Variants in GSK3B observed in about 807,000 individuals in gnomAD.
GSK3B encodes glycogen synthase kinase 3 beta.
Under a neutral mutation model 56.4 loss-of-function variants are expected in GSK3B, and 15 were observed. The observed-to-expected ratio is 0.27, with a 90% confidence interval of 0.18 to 0.41. The LOEUF (loss-of-function observed/expected upper bound fraction) is 0.41, where lower values mean the gene tolerates loss of function less well. Ranked by LOEUF, GSK3B falls within the 10% of genes least tolerant of loss-of-function variation. The pLI is 1.00. For synonymous variants in GSK3B, 181 were observed against 188.9 expected, an observed-to-expected ratio of 0.96 and a Z score of 0.34; for missense variants, 300 against 513.4, an observed-to-expected ratio of 0.58 and a Z score of 4.02.
intron 2 of GSK3B, among the ~76,000 whole-genome samples, chr3:119,965,014 T>C (rs548055778): frequency 1.3e-5 from 2 of 150,942 alleles, no homozygotes; most frequent in African/African-American, 2.4e-5. Context: ...AATTGAATTA[T>C]AGGTTTTTGT....
chr3:120,064,731 G>A (rs2058265609), intron 1 of GSK3B, among the ~76,000 whole-genome samples: 1 of 152,088 alleles, frequency 6.6e-6, no homozygotes, highest in Admixed American at 6.6e-5. Context: ...GAAGTTGGAG[G>A]ACTTACTGAT....
At position 119,825,502 on chromosome 3, in the gene GSK3B, T is replaced by C. The variant is rs1309886008; in HGVS notation, c.*1286A>G. The C allele has an allele frequency of 4.4e-6, 1 of 227,778 alleles. No individual in the cohort carries two copies. Among genetic ancestry groups the C allele is most frequent in the Admixed American group, 5.7e-5 (1 of 17,610 alleles). 14.1% of individuals were successfully genotyped at this position (227,778 alleles called of 1,614,324 possible). On this transcript the variant is annotated 3_prime_UTR_variant, in exon 11 of 11. Coordinates refer to ENST00000264235, the MANE Select transcript of GSK3B (RefSeq NM_001146156.2). ...AAAAAAAAAGGCAGTATTGAATATA[T>C]GTATATATAACATATATACACACAT...
chr3:120,064,379 T>C (rs1243602515), intron 1 of GSK3B, among the ~76,000 whole-genome samples: 1 of 151,396 alleles, frequency 6.6e-6, no homozygotes, highest in Non-Finnish European at 1.5e-5. Flanking sequence ...CAATAAACAA[T>C]CTGAAAAGGA....
At chr3:119,946,191 A>G (rs556273348) in intron 3 of GSK3B, among the ~76,000 whole-genome samples, 24 of 152,296 alleles carry the variant, frequency 1.6e-4, no homozygotes, top group African/African-American at 5.8e-4. Context: ...CACAACAATT[A>G]TATGACTGTA....
intron 2 of GSK3B, among the ~76,000 whole-genome samples, chr3:119,993,471 C>T (rs910962469): frequency 4.6e-5 from 7 of 151,828 alleles, no homozygotes; most frequent in African/African-American, 1.7e-4. Context: ...AAGAAAAACC[C>T]AAATACTTTT....
At chr3:119,855,623 T>C (rs1325519841) in intron 9 of GSK3B, among the ~76,000 whole-genome samples, 6 of 152,298 alleles carry the variant, frequency 3.9e-5, no homozygotes, top group Non-Finnish European at 8.8e-5. Context: ...ATGTGGCACA[T>C]ATACACGATG....
At chr3:120,038,007 T>A (rs923892007) in intron 1 of GSK3B, among the ~76,000 whole-genome samples, 1 of 152,230 alleles carries the variant, frequency 6.6e-6, no homozygotes, top group Non-Finnish European at 1.5e-5. Flanking sequence ...TGCAAGATAC[T>A]GTACTAAACA....
At chr3:119,900,692 G>A (rs1371432136) in intron 7 of GSK3B, among the ~76,000 whole-genome samples, 1 of 152,016 alleles carries the variant, frequency 6.6e-6, no homozygotes, top group African/African-American at 2.4e-5. Flanking sequence ...ACACAATGCT[G>A]TATCACTTTA....
intron 1 of GSK3B, among the ~76,000 whole-genome samples, chr3:120,030,100 C>T (rs1002979587): frequency 2.0e-5 from 3 of 152,096 alleles, no homozygotes; most frequent in Non-Finnish European, 2.9e-5. Flanking sequence ...CCTCCTTGTT[C>T]CCTATTGCTA....
At chr3:119,973,506 T>C (rs2057385530) in intron 2 of GSK3B, among the ~76,000 whole-genome samples, 1 of 152,196 alleles carries the variant, frequency 6.6e-6, no homozygotes. Flanking sequence ...CCTACTGGCA[T>C]ATGGTTAGAA....
chr3:119,948,039 C>A (rs1444808565), intron 2 of GSK3B, among the ~76,000 whole-genome samples: 1 of 152,122 alleles, frequency 6.6e-6, no homozygotes, highest in African/African-American at 2.4e-5. Flanking sequence ...GACTTCGCAG[C>A]AGTAAATCTG....
intron 1 of GSK3B, among the ~76,000 whole-genome samples, chr3:120,055,090 T>C (rs1450884489): frequency 2.6e-5 from 4 of 152,196 alleles, no homozygotes; most frequent in Admixed American, 2.6e-4. Context: ...ATATCTTGCC[T>C]AGGCCCTCCC....
rs966982516 is a variant in GSK3B, at chr3:119,971,737, A to G, written c.283-24386T>C. On this transcript the variant is annotated intron_variant, in intron 2 of 10. Transcript: ENST00000264235. ...CGCCATTCTCCTGCCTCAGCCTCCC[A>G]AGTAGCTGGGACTACAGGCGCCCGC... Among the ~76,000 whole-genome samples the G allele has an allele frequency of 7.1e-5, 10 of 141,410 alleles. No individual in the cohort carries two copies. In the East Asian group the frequency reaches 8.6e-4, roughly 12 times the overall value. The allele number at this position is 141,410 out of a possible 152,430, so 92.8% of individuals were successfully genotyped here.
chr3:119,876,378 A>G, intron 8 of GSK3B, 35 bp downstream of exon 8: 1 of 1,076,024 alleles, frequency 9.3e-7, no homozygotes, highest in Non-Finnish European at 1.4e-6. Context: ...TTAGTTAACT[A>G]CTGATTAATA....
intron 8 of GSK3B, among the ~76,000 whole-genome samples, chr3:119,870,775 A>C (rs1457496724): frequency 5.9e-5 from 9 of 152,194 alleles, no homozygotes; most frequent in Admixed American, 1.3e-4. Context: ...TAGAATGTTC[A>C]GGGCAGAGGG....
At chr3:119,893,772 G>A (rs1261965652) in intron 7 of GSK3B, among the ~76,000 whole-genome samples, 8 of 151,746 alleles carry the variant, frequency 5.3e-5, no homozygotes, top group Non-Finnish European at 1.0e-4. Flanking sequence ...AAACCCTTTA[G>A]AGTCCTTTGC....
At chr3:119,894,735 TA>T (rs2056543448) in intron 7 of GSK3B, among the ~76,000 whole-genome samples, 1 of 152,166 alleles carries the variant, frequency 6.6e-6, no homozygotes, top group Non-Finnish European at 1.5e-5. Context: ...CACAAGTTTT[TA>T]AATTTGACAA....
intron 10 of GSK3B, among the ~76,000 whole-genome samples, chr3:119,842,252 A>G (rs879720152): frequency 2.6e-5 from 4 of 152,192 alleles, no homozygotes; most frequent in Non-Finnish European, 5.9e-5. Flanking sequence ...GGTTCTCACT[A>G]AATCAGGCCC....
At chr3:119,892,526 T>C (rs2108066662) in intron 7 of GSK3B, among the ~76,000 whole-genome samples, 1 of 152,322 alleles carries the variant, frequency 6.6e-6, no homozygotes, top group East Asian at 1.9e-4. Flanking sequence ...CTCAGACATC[T>C]GGAATAATAC....
Sources: allele counts gnomAD v4.1 joint callset (sites outside exome capture counted in the v4.1 genomes callset), GRCh38; gene constraint gnomAD v4.1.1; transcripts MANE v1.5; gene names NCBI Gene and HGNC (gene_info 2026-07-23, HGNC 2026-07-21).